The following PRDM5 variants were observed in gnomAD, a reference collection of about 807,000 sequenced individuals.
The protein encoded by PRDM5 is PR domain zinc finger protein 5.
PRDM5 carries 56 observed loss-of-function variants against 81.2 expected under a neutral mutation model. The observed-to-expected ratio is 0.69, with a 90% CI of 0.56 to 0.86. The LOEUF (loss-of-function observed/expected upper bound fraction) is 0.86, where lower values mean the gene tolerates loss of function less well. Among genes scored for constraint, PRDM5 ranks in the 40% least tolerant of loss-of-function variants. The pLI is 0.00. For synonymous variants in PRDM5, 267 were observed against 256.4 expected (o/e 1.04, Z -0.39); for missense variants, 697 against 770.1 (o/e 0.91, Z 1.12).
intron 2 of PRDM5, among the ~76,000 whole-genome samples, chr4:120,898,326 G>C (rs901398566): frequency 5.3e-5 from 8 of 152,120 alleles, no homozygotes; most frequent in African/African-American, 1.7e-4. Context: ...AATCTGCCAC[G>C]CAGCTTCATA....
chr4:120,716,503 G>C (rs1421571178), intron 14 of PRDM5, among the ~76,000 whole-genome samples: 1 of 152,144 alleles, frequency 6.6e-6, no homozygotes, highest in African/African-American at 2.4e-5. Flanking sequence ...TTCTATGTTA[G>C]TCTGGCAAGA....
At chr4:120,783,056 A>G (rs1749269350) in intron 11 of PRDM5, among the ~76,000 whole-genome samples, 1 of 152,108 alleles carries the variant, frequency 6.6e-6, no homozygotes, top group African/African-American at 2.4e-5. Context: ...GGGAAATAGC[A>G]ACAATTTCCA....
chr4:120,853,710 C>T (rs1489688778), intron 2 of PRDM5, among the ~76,000 whole-genome samples, 170 bp from the exon 3 acceptor site: 2 of 152,112 alleles, frequency 1.3e-5, no homozygotes, highest in East Asian at 3.9e-4. Flanking sequence ...TGTAGAAATA[C>T]AGCCTACTAT....
intron 13 of PRDM5, among the ~76,000 whole-genome samples, chr4:120,760,136 T>A (rs1222933954): frequency 6.6e-6 from 1 of 152,242 alleles, no homozygotes; most frequent in East Asian, 1.9e-4. Flanking sequence ...CATAAATTAG[T>A]AATATGGCTA....
chr4:120,907,347 A>AAAACCT, intron 2 of PRDM5, 127 bp downstream of exon 2: 1 of 883,438 alleles, frequency 1.1e-6, no homozygotes, highest in South Asian at 1.6e-5. Context: ...AAAAAAAAAA[A>AAAACCT]AAAACCTAAA....
chr4:120,857,050 A>G (rs759977942), intron 2 of PRDM5, among the ~76,000 whole-genome samples: 7 of 152,168 alleles, frequency 4.6e-5, no homozygotes, highest in Non-Finnish European at 8.8e-5. Context: ...TAGTTACACA[A>G]AAAGGTTAGC....
chr4:120,871,135 C>A (rs1267923098), intron 2 of PRDM5, among the ~76,000 whole-genome samples: 5 of 152,166 alleles, frequency 3.3e-5, no homozygotes, highest in African/African-American at 1.2e-4. Flanking sequence ...CTTCTGCCTG[C>A]CAGAAAGTTT....
At chr4:120,904,713 T>C (rs1417678514) in intron 2 of PRDM5, among the ~76,000 whole-genome samples, 2 of 152,174 alleles carry the variant, frequency 1.3e-5, no homozygotes, top group Admixed American at 6.5e-5. Flanking sequence ...TATATAATAG[T>C]ACAAAAATGA....
At chr4:120,900,237 G>A (rs1441483816) in intron 2 of PRDM5, among the ~76,000 whole-genome samples, 1 of 152,058 alleles carries the variant, frequency 6.6e-6, no homozygotes, top group Non-Finnish European at 1.5e-5. Flanking sequence ...AGAGGTGAGG[G>A]GGACACAGGG....
intron 2 of PRDM5, chr4:120,896,622 T>C (rs2148644936): frequency 6.6e-6 from 1 of 152,078 alleles, no homozygotes; most frequent in East Asian, 1.9e-4. Flanking sequence ...AGTCTGTCTA[T>C]TTCAATTTGT....
In PRDM5 at chr4:120,821,173, T is replaced by C; in HGVS notation, c.473A>G (p.Lys158Arg). ...NSRRQSTAGR[K>R]DRLGCKEDYA... ...ATCACCAATTAAAGATGCAATACCT[T>C]TTCTGCCCGCTGTTGATTGTCTTCT... is the stretch of plus-strand genomic sequence containing the variant. The change falls in exon 4 of 16, where the codon AAA (lysine) becomes AGA (arginine). Residue 158 changes from lysine to arginine, a missense_variant and splice_region_variant. Lys to Arg is a conservative substitution (Grantham distance 26). Transcript: ENST00000264808. The C allele has an allele frequency of 1.2e-6, 2 of 1,614,006 alleles. No homozygotes were observed.
chr4:120,706,221 A>T (rs1736116265), intron 15 of PRDM5, among the ~76,000 whole-genome samples: 1 of 152,128 alleles, frequency 6.6e-6, no homozygotes, highest in Admixed American at 6.6e-5. Context: ...CAAGTCACTC[A>T]ACCTCAGTGA....
At chr4:120,922,377 C>T in intron 1 of PRDM5, 139 bp downstream of exon 1, 2 of 1,111,574 alleles carry the variant, frequency 1.8e-6, no homozygotes, top group Non-Finnish European at 2.2e-6. Flanking sequence ...CCCGGCCTTC[C>T]CACGGACGCC....
At chr4:120,822,505 A>G (rs1227912474) in intron 3 of PRDM5, among the ~76,000 whole-genome samples, 3 of 152,178 alleles carry the variant, frequency 2.0e-5, no homozygotes, top group African/African-American at 7.2e-5. Flanking sequence ...TGAGAGGGGA[A>G]GGAATAGGAG....
chr4:120,821,193 T>G lies in PRDM5; in HGVS notation c.453A>C (p.Arg151Ser). 1 of 1,614,164 alleles carries G rather than the reference T, an allele frequency of 6.2e-7. No individual in the cohort carries two copies. The highest frequency in any genetic ancestry group is 1.3e-5 in the African/African-American group (1 of 75,048). Residue 151 changes from arginine to serine, a missense_variant, in exon 4 of 16, where the codon AGA becomes AGC. Physicochemically the swap from Arg to Ser is moderately radical, Grantham distance 110. Around this residue, in one of 3 missense-constraint regions of PRDM5, gnomAD observed 577 missense variants for 606.7 expected, o/e 0.95. Transcript: ENST00000264808. ...IKEGEVENSR[R>S]QSTAGRKDRL... ...TACCTTTTCTGCCCGCTGTTGATTG[T>G]CTTCTAGAATTTTCAACTTCCCCTT... is the stretch of plus-strand genomic sequence containing the variant.
chr4:120,798,788 G>C (rs972990769), intron 9 of PRDM5, among the ~76,000 whole-genome samples: 1 of 152,164 alleles, frequency 6.6e-6, no homozygotes, highest in African/African-American at 2.4e-5. Flanking sequence ...AAAGAACAGA[G>C]CTGCCTTCCC....
intron 2 of PRDM5, among the ~76,000 whole-genome samples, chr4:120,860,711 G>A (rs537121418): frequency 3.3e-5 from 5 of 151,718 alleles, no homozygotes; most frequent in East Asian, 1.9e-4. Context: ...TTTTATGCAC[G>A]AATGTTACAG....
intron 3 of PRDM5, among the ~76,000 whole-genome samples, chr4:120,825,523 C>T (rs1279524757): frequency 6.6e-6 from 1 of 152,122 alleles, no homozygotes; most frequent in East Asian, 1.9e-4. Flanking sequence ...CAGGAAATGG[C>T]ATCTGCTTTC....
chr4:120,699,921 T>G (rs191092686), intron 15 of PRDM5, among the ~76,000 whole-genome samples: 210 of 135,414 alleles, frequency 1.6e-3, no homozygotes, highest in Middle Eastern at 7.4e-3. Context: ...TAGAAAAAAC[T>G]ATTCTAAAAT....
Sources: allele counts gnomAD v4.1 joint callset (sites outside exome capture counted in the v4.1 genomes callset), GRCh38; gene constraint gnomAD v4.1.1; regional missense constraint gnomAD v4.1.1; transcripts MANE v1.5; gene names NCBI Gene and HGNC (gene_info 2026-07-23, HGNC 2026-07-21).